CCDC192: variants seen among roughly 807,000 people sequenced by gnomAD.
CCDC192 encodes coiled-coil domain-containing protein 192.
intron 6 of CCDC192, among the ~76,000 whole-genome samples, chr5:127,888,458 T>C (rs1357506071): frequency 6.6e-6 from 1 of 151,762 alleles, no homozygotes; most frequent in Admixed American, 6.6e-5. Context: ...TGACATAAAT[T>C]CTCACGTATA....
chr5:127,765,991 C>T (rs1755203041), intron 3 of CCDC192, among the ~76,000 whole-genome samples: 1 of 152,230 alleles, frequency 6.6e-6, no homozygotes, highest in Non-Finnish European at 1.5e-5. Context: ...TCCTCCACTG[C>T]CTGTTGTCAG....
chr5:127,875,043 A>G (rs950429636), intron 5 of CCDC192, among the ~76,000 whole-genome samples: 2 of 152,078 alleles, frequency 1.3e-5, no homozygotes, highest in African/African-American at 4.8e-5. Context: ...ATCCCATACT[A>G]AATATCAGAA....
chr5:127,724,528 T>C (rs1384626603), intron 2 of CCDC192, among the ~76,000 whole-genome samples: 1 of 152,198 alleles, frequency 6.6e-6, no homozygotes, highest in African/African-American at 2.4e-5. Context: ...CCAAATGTAC[T>C]AAATGGTTGG....
At chr5:127,748,032 A>G (rs1475128732) in intron 2 of CCDC192, among the ~76,000 whole-genome samples, 21 of 144,832 alleles carry the variant, frequency 1.4e-4, no homozygotes, top group African/African-American at 4.3e-4. Flanking sequence ...AGTAGGTTGC[A>G]AAAATTTTCT....
intron 3 of CCDC192, among the ~76,000 whole-genome samples, chr5:127,763,355 A>G (rs2126892803): frequency 6.6e-6 from 1 of 152,218 alleles, no homozygotes; most frequent in African/African-American, 2.4e-5. Flanking sequence ...ATATGCAATC[A>G]ATTGCTGAGT....
chr5:127,847,712 C>G (rs976533180), intron 5 of CCDC192, among the ~76,000 whole-genome samples: 2 of 151,850 alleles, frequency 1.3e-5, no homozygotes, highest in African/African-American at 4.8e-5. Context: ...ATCCCAGCTA[C>G]TCAGAAGGCT....
intron 2 of CCDC192, among the ~76,000 whole-genome samples, chr5:127,740,650 T>C (rs536082858): frequency 2.6e-5 from 4 of 152,272 alleles, no homozygotes; most frequent in African/African-American, 9.6e-5. Flanking sequence ...AACTTTTTAG[T>C]AGAAAAAAAT....
chr5:127,897,280 G>A (rs989141998), intron 6 of CCDC192, among the ~76,000 whole-genome samples: 1 of 151,372 alleles, frequency 6.6e-6, no homozygotes, highest in African/African-American at 2.4e-5. Flanking sequence ...AGCCCCCCGA[G>A]AATAAAAATC....
At chr5:127,781,339 T>C (rs1418867562) in intron 3 of CCDC192, among the ~76,000 whole-genome samples, 1 of 152,208 alleles carries the variant, frequency 6.6e-6, no homozygotes, top group Non-Finnish European at 1.5e-5. Flanking sequence ...ACATGAACTT[T>C]AGAATTGTTT....
intron 6 of CCDC192, among the ~76,000 whole-genome samples, chr5:127,919,696 G>C (rs185348929): frequency 4.0e-4 from 61 of 152,360 alleles, no homozygotes; most frequent in African/African-American, 1.4e-3. Flanking sequence ...TGAGACATCA[G>C]AGTGTCACTC....
chr5:127,713,972 A>G (rs1469865424), intron 2 of CCDC192, among the ~76,000 whole-genome samples: 1 of 152,140 alleles, frequency 6.6e-6, no homozygotes, highest in Non-Finnish European at 1.5e-5. Flanking sequence ...ATAACTTTGT[A>G]TTTATCCCCC....
intron 2 of CCDC192, among the ~76,000 whole-genome samples, chr5:127,747,352 C>T (rs1292165707): frequency 1.6e-3 from 238 of 151,590 alleles, no homozygotes; most frequent in African/African-American, 4.7e-3. Context: ...TGAGAATATG[C>T]GGTGTTTGGT....
intron 5 of CCDC192, among the ~76,000 whole-genome samples, chr5:127,854,828 A>C (rs898433441): frequency 1.3e-5 from 2 of 152,236 alleles, no homozygotes; most frequent in African/African-American, 4.8e-5. Flanking sequence ...TCATTTATTA[A>C]GTGTACAAAA....
intron 6 of CCDC192, among the ~76,000 whole-genome samples, chr5:127,877,047 G>C (rs1752110210): frequency 6.6e-6 from 1 of 152,166 alleles, no homozygotes; most frequent in Non-Finnish European, 1.5e-5. Flanking sequence ...TTCATTAGAA[G>C]AAACTGACAA....
intron 2 of CCDC192, among the ~76,000 whole-genome samples, chr5:127,709,469 A>G (rs774401973): frequency 6.6e-6 from 1 of 152,174 alleles, no homozygotes; most frequent in Non-Finnish European, 1.5e-5. Flanking sequence ...AGCTAAGAAT[A>G]ATTGATTCTT....
chr5:127,753,196 C>G (rs1014562705), intron 2 of CCDC192, among the ~76,000 whole-genome samples: 3 of 152,174 alleles, frequency 2.0e-5, no homozygotes, highest in African/African-American at 7.2e-5. Flanking sequence ...CACAAGAAAA[C>G]AGGACACACC....
chr5:127,753,222 G>C (rs1580598594), intron 2 of CCDC192, among the ~76,000 whole-genome samples: 1 of 152,152 alleles, frequency 6.6e-6, no homozygotes, highest in African/African-American at 2.4e-5. Flanking sequence ...CCAAGCTATA[G>C]GAAGGTCATC....
intron 5 of CCDC192, among the ~76,000 whole-genome samples, chr5:127,802,338 T>C (rs1401109223): frequency 6.6e-6 from 1 of 152,190 alleles, no homozygotes; most frequent in African/African-American, 2.4e-5. Context: ...GAGACATTGC[T>C]TGTCCATTAT....
chr5:127,729,296 T>G (rs1357399838), intron 2 of CCDC192, among the ~76,000 whole-genome samples: 1 of 152,130 alleles, frequency 6.6e-6, no homozygotes, highest in East Asian at 1.9e-4. Flanking sequence ...AGGGTTTAAT[T>G]CAACAACAAG....
Sources: gnomAD v4.1 joint callset for allele counts (sites outside exome capture counted in the v4.1 genomes callset) on GRCh38, gnomAD v4.1.1 for gene constraint, MANE v1.5 for transcripts, NCBI Gene and HGNC (gene_info 2026-07-23, HGNC 2026-07-21) for gene names.